Variants in GOLIM4 observed in about 807,000 individuals in gnomAD.
The protein encoded by GOLIM4 is 130 kDa golgi-localized phosphoprotein.
A neutral mutation model predicts 107.4 loss-of-function variants in GOLIM4; 71 were observed. That is an observed-to-expected ratio of 0.66 (90% CI 0.55 to 0.81). The LOEUF (loss-of-function observed/expected upper bound fraction) is 0.81. Among genes scored for constraint, GOLIM4 ranks in the 30% least tolerant of loss-of-function variants. The pLI, the probability that GOLIM4 is intolerant of heterozygous loss-of-function variation, is 0.00. For synonymous variants in GOLIM4, 327 were observed against 294.8 expected, an observed-to-expected ratio of 1.11 and a Z score of -1.12; for missense variants, 830 against 826.1, an observed-to-expected ratio of 1.00 and a Z score of -0.06.
intron 9 of GOLIM4, among the ~76,000 whole-genome samples, chr3:168,032,265 T>A (rs954459146): frequency 1.3e-5 from 2 of 152,214 alleles, no homozygotes; most frequent in African/African-American, 2.4e-5. Flanking sequence ...AATGAATCTC[T>A]GACTGTGTAC....
chr3:168,057,844 T>C (rs867046367), intron 1 of GOLIM4, among the ~76,000 whole-genome samples: 1 of 152,216 alleles, frequency 6.6e-6, no homozygotes, highest in African/African-American at 2.4e-5. Flanking sequence ...TCTAGTGATA[T>C]TCGACAGCAC....
chr3:168,065,006 C>A (rs1720476113), intron 1 of GOLIM4, among the ~76,000 whole-genome samples: 1 of 151,462 alleles, frequency 6.6e-6, no homozygotes, highest in Non-Finnish European at 1.5e-5. Context: ...ACAGATGGTG[C>A]CAAGAGATAA....
At chr3:168,060,166 C>T (rs958564287) in intron 1 of GOLIM4, among the ~76,000 whole-genome samples, 2 of 151,314 alleles carry the variant, frequency 1.3e-5, no homozygotes, top group African/African-American at 4.9e-5. Context: ...AACTCTTAGG[C>T]TTTAGCCTCA....
intron 3 of GOLIM4, 21 bp from the exon 4 acceptor site, chr3:168,044,902 AG>A (rs2108248728): frequency 3.5e-6 from 5 of 1,419,494 alleles, no homozygotes; most frequent in South Asian, 1.3e-5. Context: ...AAAAAAAAAA[AG>A]AAAACACAAA....
At chr3:168,056,023 T>C (rs1039072881) in intron 1 of GOLIM4, among the ~76,000 whole-genome samples, 4 of 152,190 alleles carry the variant, frequency 2.6e-5, no homozygotes, top group African/African-American at 7.2e-5. Context: ...CTCCAGGGCA[T>C]GTCAGAGGTC....
chr3:168,032,903 T>G (rs1264081804), intron 8 of GOLIM4, 51 bp from the exon 9 acceptor site: 1 of 1,375,750 alleles, frequency 7.3e-7, no homozygotes, highest in Non-Finnish European at 1.0e-6. Flanking sequence ...TCAAAAGTAA[T>G]GATGTAATTT....
intron 7 of GOLIM4, among the ~76,000 whole-genome samples, chr3:168,039,015 C>T (rs1056729409): frequency 6.6e-6 from 1 of 152,156 alleles, no homozygotes; most frequent in Admixed American, 6.5e-5. Context: ...CAGAATCTGA[C>T]CATGCTGGCA....
intron 3 of GOLIM4, among the ~76,000 whole-genome samples, 190 bp from the exon 4 acceptor site, chr3:168,045,071 G>C (rs1028074001): frequency 6.6e-6 from 1 of 152,134 alleles, no homozygotes; most frequent in Non-Finnish European, 1.5e-5. Flanking sequence ...ATTCCCCTTA[G>C]TTTGCTAGAT....
intron 15 of GOLIM4, 124 bp from the exon 16 acceptor site, chr3:168,010,542 T>A: frequency 1.3e-6 from 1 of 780,478 alleles, no homozygotes; most frequent in South Asian, 1.8e-5. Flanking sequence ...AAAAATGATA[T>A]GTAAGCAACA....
chr3:168,027,882 A>G, intron 11 of GOLIM4, 45 bp from the exon 12 acceptor site: 2 of 1,237,920 alleles, frequency 1.6e-6, no homozygotes, highest in Non-Finnish European at 2.4e-6. Flanking sequence ...TGAATCAAAC[A>G]GGATTTCCCT....
At chr3:168,052,524 C>T (rs1719713352) in intron 1 of GOLIM4, among the ~76,000 whole-genome samples, 1 of 152,004 alleles carries the variant, frequency 6.6e-6, no homozygotes, top group Non-Finnish European at 1.5e-5. Flanking sequence ...ATAATAATTC[C>T]ATATGTTATT....
At chr3:168,051,431 G>A (rs536490455) in intron 1 of GOLIM4, among the ~76,000 whole-genome samples, 99 of 152,308 alleles carry the variant, frequency 6.5e-4, no homozygotes, top group African/African-American at 2.3e-3. Flanking sequence ...ATAGGACACA[G>A]TTATAAACTT....
At chr3:168,059,196 C>T (rs112331091) in intron 1 of GOLIM4, among the ~76,000 whole-genome samples, 19 of 152,220 alleles carry the variant, frequency 1.2e-4, no homozygotes, top group East Asian at 1.9e-4. Flanking sequence ...CCTTTACGGA[C>T]GCTGCAAGTA....
At chr3:168,028,066 A>G (rs916464604) in intron 11 of GOLIM4, among the ~76,000 whole-genome samples, 1 of 152,102 alleles carries the variant, frequency 6.6e-6, no homozygotes, top group Non-Finnish European at 1.5e-5. Context: ...TAAAATAAAT[A>G]TTTTTCACAG....
chr3:168,068,307 A>G (rs1720653492), intron 1 of GOLIM4, among the ~76,000 whole-genome samples: 1 of 152,122 alleles, frequency 6.6e-6, no homozygotes, highest in Non-Finnish European at 1.5e-5. Context: ...AAATAACTGA[A>G]AGCAAACCAA....
intron 14 of GOLIM4, among the ~76,000 whole-genome samples, chr3:168,016,415 G>GA (rs1282631050): frequency 7.7e-6 from 1 of 130,634 alleles, no homozygotes; most frequent in Non-Finnish European, 1.5e-5. Context: ...AGGATGTGGA[G>GA]AAATAGGAAC....
chr3:168,070,455 C>T (rs1431598658), intron 1 of GOLIM4, among the ~76,000 whole-genome samples: 1 of 152,182 alleles, frequency 6.6e-6, no homozygotes, highest in African/African-American at 2.4e-5. Flanking sequence ...CAGGTCTACA[C>T]CATTCCAAAT....
At chr3:168,049,925 C>CCTCT (rs1294605741) in intron 1 of GOLIM4, among the ~76,000 whole-genome samples, 1 of 152,128 alleles carries the variant, frequency 6.6e-6, no homozygotes, top group East Asian at 1.9e-4. Context: ...ATAGACCCTA[C>CCTCT]CTCTATTCAC....
chr3:168,039,970 AC>A (rs1300114128), intron 7 of GOLIM4, among the ~76,000 whole-genome samples: 1 of 152,164 alleles, frequency 6.6e-6, no homozygotes, highest in Non-Finnish European at 1.5e-5. Flanking sequence ...AGAAAATTAT[AC>A]CTTTTAATAA....
Sources: gnomAD v4.1 joint callset for allele counts (sites outside exome capture counted in the v4.1 genomes callset) on GRCh38, gnomAD v4.1.1 for gene constraint, MANE v1.5 for transcripts, NCBI Gene and HGNC (gene_info 2026-07-23, HGNC 2026-07-21) for gene names.